ERBB4: variants seen among roughly 807,000 people sequenced by gnomAD.
The protein encoded by ERBB4 is receptor tyrosine-protein kinase erbB-4.
ERBB4 carries 42 observed loss-of-function variants against 158.0 expected under a neutral mutation model. The ratio of observed to expected loss-of-function variants is 0.27; its 90% CI spans 0.21 to 0.34. The LOEUF is 0.34. Among genes scored for constraint, ERBB4 ranks in the 10% least tolerant of loss-of-function variants. The pLI is 1.00. For synonymous variants in ERBB4, 583 were observed against 558.7 expected (o/e 1.04, Z -0.61); for missense variants, 1,333 against 1,624.1 (o/e 0.82, Z 3.08).
chr2:212,528,463 T>C (rs1159649574), intron 1 of ERBB4, among the ~76,000 whole-genome samples: 1 of 152,148 alleles, frequency 6.6e-6, no homozygotes, highest in African/African-American at 2.4e-5. Flanking sequence ...AAATAATCCC[T>C]GACTCAAACT....
chr2:212,187,506 C>T (rs1224118100), intron 1 of ERBB4, among the ~76,000 whole-genome samples: 2 of 151,688 alleles, frequency 1.3e-5, no homozygotes, highest in African/African-American at 4.8e-5. Context: ...ATTGACAATA[C>T]ATGTTAATAA....
intron 1 of ERBB4, among the ~76,000 whole-genome samples, chr2:212,201,754 C>G (rs933211344): frequency 1.3e-5 from 2 of 152,168 alleles, no homozygotes; most frequent in African/African-American, 4.8e-5. Flanking sequence ...TCCTTCCTCT[C>G]TACAGTTATG....
At chr2:211,448,355 A>G (rs189865749) in intron 20 of ERBB4, among the ~76,000 whole-genome samples, 101 of 152,254 alleles carry the variant, frequency 6.6e-4, no homozygotes, top group Non-Finnish European at 1.3e-4. Flanking sequence ...GTGAATCTAA[A>G]TCCAAACAGT....
At chr2:211,982,910 T>C (rs1411765799) in intron 2 of ERBB4, among the ~76,000 whole-genome samples, 1 of 152,266 alleles carries the variant, frequency 6.6e-6, no homozygotes, top group Non-Finnish European at 1.5e-5. Flanking sequence ...TTCCTTATTG[T>C]CTATGTATGT....
At position 212,206,589 on chromosome 2, in the gene ERBB4, C is replaced by CTTTTTTTTTTTTTTTTTT. The variant is rs5838309; in HGVS notation, c.83-81687_83-81686insAAAAAAAAAAAAAAAAAA. On this transcript the variant is annotated intron_variant, in intron 1 of 27. Coordinates refer to ENST00000342788, the MANE Select transcript of ERBB4 (RefSeq NM_005235.3). ...ATGAACTGTCTCCGTCTGTTCTGTT[C>CTTTTTTTTTTTTTTTTTT]TTTTTTTTTTTTTTTTGAGACGGAG... Among the ~76,000 whole-genome samples the CTTTTTTTTTTTTTTTTTT allele has an allele frequency of 1.4e-3, 166 of 116,406 alleles. 24 individuals are homozygous for CTTTTTTTTTTTTTTTTTT. Among genetic ancestry groups the CTTTTTTTTTTTTTTTTTT allele is most frequent in the African/African-American group, 5.7e-3 (157 of 27,648 alleles). The allele number at this position is 116,406 out of a possible 152,430, so 76.4% of individuals were successfully genotyped here. A position where few individuals can be genotyped will look rare whatever the true frequency, so the allele number is the denominator to read the frequency against.
chr2:211,430,119 A>G (rs2063718194), intron 21 of ERBB4, among the ~76,000 whole-genome samples: 1 of 152,138 alleles, frequency 6.6e-6, no homozygotes, highest in Non-Finnish European at 1.5e-5. Context: ...TATAATATAT[A>G]TTTGGATGGC....
At chr2:211,402,145 T>C (rs1452616736) in intron 25 of ERBB4, among the ~76,000 whole-genome samples, 2 of 152,054 alleles carry the variant, frequency 1.3e-5, no homozygotes, top group Non-Finnish European at 2.9e-5. Context: ...CTACTGTTTT[T>C]ATCATGTATA....
Position 211,515,340 on chromosome 2 carries a change from T to C in ERBB4, c.2487+46563A>G, listed in dbSNP as rs372151162. ...AAACCCATTAGAACACACTGTTGGA[T>C]GAATTCTGGCAAGAAGATGATGGTT... On this transcript the variant is annotated intron_variant, in intron 20 of 27. Transcript: ENST00000342788. Among the ~76,000 whole-genome samples, 92 of 152,192 alleles carry C rather than the reference T, an allele frequency of 6.0e-4. 1 individual carries two copies. The South Asian group carries it at 0.018, about 29-fold the overall frequency.
chr2:211,608,286 C>G (rs1013316065), intron 19 of ERBB4, among the ~76,000 whole-genome samples: 2 of 152,170 alleles, frequency 1.3e-5, no homozygotes, highest in East Asian at 3.9e-4. Flanking sequence ...TCAGAAGAAA[C>G]AAAACTTTTG....
rs2081566212 is a variant in ERBB4 at position 211,975,048 on chromosome 2, A to G, written c.235-27432T>C. Among the ~76,000 whole-genome samples the G allele has an allele frequency of 3.9e-5, 6 of 152,096 alleles. No individual in the cohort carries two copies. The South Asian group carries it at 6.2e-4, about 16-fold the overall frequency. ...ACTCAGGCTGGACTGCAGTGGCACA[A>G]TCGCAGCCCACTGCAGCCTCAAAGT... On this transcript the variant is annotated intron_variant, in intron 2 of 27. Coordinates refer to ENST00000342788, the MANE Select transcript of ERBB4 (RefSeq NM_005235.3).
At chr2:212,359,793 A>C (rs954564011) in intron 1 of ERBB4, among the ~76,000 whole-genome samples, 6 of 151,826 alleles carry the variant, frequency 4.0e-5, no homozygotes, top group African/African-American at 1.2e-4. Context: ...CTAAACCAGA[A>C]AATAAAAGAT....
intron 1 of ERBB4, among the ~76,000 whole-genome samples, chr2:212,534,896 G>A (rs1692958978): frequency 6.6e-6 from 1 of 152,082 alleles, no homozygotes; most frequent in Non-Finnish European, 1.5e-5. Flanking sequence ...GTTCAGGTTA[G>A]AATAAAAAAT....
chr2:211,941,974 A>T (rs2080512290), intron 3 of ERBB4, among the ~76,000 whole-genome samples: 1 of 152,060 alleles, frequency 6.6e-6, no homozygotes, highest in African/African-American at 2.4e-5. Context: ...AATTTTCTTC[A>T]CAGTTTTCAA....
intron 3 of ERBB4, among the ~76,000 whole-genome samples, chr2:211,789,217 T>C (rs1425953676): frequency 5.3e-5 from 8 of 152,126 alleles, no homozygotes; most frequent in Non-Finnish European, 1.2e-4. Flanking sequence ...AAATCATGCA[T>C]CAGTCCATAA....
In ERBB4 at chr2:211,973,907, A is replaced by C. The variant is rs1209227428; in HGVS notation, c.235-26291T>G. Among the ~76,000 whole-genome samples the C allele has an allele frequency of 3.3e-5, 5 of 152,230 alleles. No homozygotes were observed. The East Asian group carries it at 9.6e-4, about 29-fold the overall frequency. ...CATGGAAACTATATAGCCATAAAAA[A>C]GAATAAAGTCATGTCCTTTACAGGG... On this transcript the variant is annotated intron_variant, in intron 2 of 27. Transcript: ENST00000342788.
intron 1 of ERBB4, among the ~76,000 whole-genome samples, chr2:212,518,761 G>A (rs1475691796): frequency 2.6e-5 from 4 of 152,030 alleles, no homozygotes; most frequent in Non-Finnish European, 5.9e-5. Flanking sequence ...GGAGGAATAA[G>A]TACTGTGTTG....
rs572652204 is a variant in ERBB4 at position 212,161,091 on chromosome 2, G to A, written c.83-36188C>T. On this transcript the variant is annotated intron_variant, in intron 1 of 27. Transcript: ENST00000342788. The stretch of plus-strand genomic sequence containing the variant: ...ATCTCCACAAGCTTATAATGCTAGA[G>A]TTTTAGCATTAAAAGATGGAAGGCT... 7.9e-5 allele frequency among the ~76,000 whole-genome samples: 12 copies of A among 152,008 alleles called. No individual in the cohort carries two copies. The East Asian group carries it at 1.6e-3, about 20-fold the overall frequency.
intron 3 of ERBB4, among the ~76,000 whole-genome samples, chr2:211,941,409 G>T (rs2080492218): frequency 6.6e-6 from 1 of 152,070 alleles, no homozygotes; most frequent in Admixed American, 6.6e-5. Context: ...ACCTTTCACA[G>T]GGTAGTTGAA....
chr2:212,136,894 CT>C (rs1447837961), intron 1 of ERBB4, among the ~76,000 whole-genome samples: 1 of 152,134 alleles, frequency 6.6e-6, no homozygotes, highest in Non-Finnish European at 1.5e-5. Context: ...AGATCACCTT[CT>C]AACAAGTTTT....
Sources: allele counts gnomAD v4.1 joint callset (sites outside exome capture counted in the v4.1 genomes callset), GRCh38; gene constraint gnomAD v4.1.1; transcripts MANE v1.5; gene names NCBI Gene and HGNC (gene_info 2026-07-23, HGNC 2026-07-21).